The following MASP1 variants were observed in gnomAD, a reference collection of about 807,000 sequenced individuals.
MASP1 encodes the protein MBL associated serine protease 1.
MASP1 carries 59 observed loss-of-function variants against 77.1 expected under a neutral mutation model. The observed-to-expected ratio is 0.77, with a 90% CI of 0.62 to 0.95. The LOEUF (loss-of-function observed/expected upper bound fraction) is 0.95, where lower values mean the gene tolerates loss of function less well. MASP1 is among the 40% of genes least tolerant of loss of function. The probability of loss-of-function intolerance (pLI) is 0.00; values close to 1 mark genes in which losing one functional copy is unlikely to be tolerated. For missense variants in MASP1, 885 were observed against 912.9 expected, an observed-to-expected ratio of 0.97 and a Z score of 0.39; for synonymous variants, 362 against 354.5, an observed-to-expected ratio of 1.02 and a Z score of -0.24.
At chr3:187,241,158 G>C (rs1713601116) in intron 10 of MASP1, among the ~76,000 whole-genome samples, 1 of 152,128 alleles carries the variant, frequency 6.6e-6, no homozygotes, top group Admixed American at 6.5e-5. Flanking sequence ...GAGTGCTTGA[G>C]GACAGGGTGC....
At chr3:187,263,408 T>A (rs772697910) in intron 2 of MASP1, among the ~76,000 whole-genome samples, 2 of 152,184 alleles carry the variant, frequency 1.3e-5, no homozygotes, top group Non-Finnish European at 2.9e-5. Context: ...AATAAACATT[T>A]GTTTACAAGA....
chr3:187,290,466 T>C (rs181994470), intron 1 of MASP1, among the ~76,000 whole-genome samples: 125 of 152,342 alleles, frequency 8.2e-4, no homozygotes, highest in Admixed American at 1.8e-3. Context: ...TCATTCAATG[T>C]AGATTGACAT....
intron 10 of MASP1, among the ~76,000 whole-genome samples, chr3:187,240,696 A>G (rs1237914897): frequency 2.0e-5 from 3 of 152,186 alleles, no homozygotes; most frequent in Non-Finnish European, 4.4e-5. Context: ...CAATGGTGCA[A>G]TCTCAGCTCA....
intron 2 of MASP1, among the ~76,000 whole-genome samples, chr3:187,265,460 A>AG (rs1185684516): frequency 6.6e-6 from 1 of 152,216 alleles, no homozygotes; most frequent in Non-Finnish European, 1.5e-5. Flanking sequence ...GCAGAGCCAC[A>AG]GTATTCCAGA....
chr3:187,279,538 C>T (rs1049665649), intron 2 of MASP1, among the ~76,000 whole-genome samples: 1 of 152,214 alleles, frequency 6.6e-6, no homozygotes, highest in Non-Finnish European at 1.5e-5. Flanking sequence ...TTAATTCAAC[C>T]TTTGACCACA....
intron 2 of MASP1, among the ~76,000 whole-genome samples, chr3:187,272,081 T>A (rs3774284): frequency 0.11 from 16,879 of 148,522 alleles, 1,030 homozygotes; most frequent in African/African-American, 0.16. Flanking sequence ...GTCCAAGGAG[T>A]GAGTAGGTGG....
At chr3:187,217,653 A>C (rs1232618649) in exon 16 of MASP1, 1 of 152,218 alleles carries the variant, frequency 6.6e-6, no homozygotes, top group East Asian at 1.9e-4. Context: ...TTGTCCTCAC[A>C]GATACTCCAG....
At chr3:187,232,464 G>T (rs1712825750), downstream of MASP1, among the ~76,000 whole-genome samples, 1 of 152,110 alleles carries the variant, frequency 6.6e-6, no homozygotes, top group African/African-American at 2.4e-5. Flanking sequence ...CAGCTGGATT[G>T]CTCATAAACT....
chr3:187,235,805 G>T lies in MASP1; in HGVS notation c.2066C>A (p.Pro689His), dbSNP rs1713107981. The T allele has an allele frequency of 6.2e-7, 1 of 1,614,138 alleles. No homozygotes were observed. Among genetic ancestry groups the T allele is most frequent in the Non-Finnish European group, 8.5e-7 (1 of 1,180,026 alleles). ...GACCTGCTTGCTGCCGCATTCTTCAGGTCCCCCCCAGGACACCAGGCCTTG... is the reference window on the plus strand; with the variant it reads ...GACCTGCTTGCTGCCGCATTCTTCATGTCCCCCCCAGGACACCAGGCCTTG... ...VVQGLVSWGG[P>H]EECGSKQVYG... Residue 689 changes from proline (P) to histidine (H), a missense_variant, in exon 11 of 11, where the codon CCT (proline) becomes CAT (histidine). Physicochemically the swap from Pro to His is moderately conservative, Grantham distance 77 (BLOSUM62 -2). Coordinates refer to ENST00000296280, the MANE Select transcript of MASP1 (RefSeq NM_139125.4).
At chr3:187,277,999 A>G (rs913471209) in intron 2 of MASP1, among the ~76,000 whole-genome samples, 15 of 152,216 alleles carry the variant, frequency 9.9e-5, no homozygotes, top group African/African-American at 3.6e-4. Context: ...ATCTGGTGAT[A>G]CCAGGCAGAC....
chr3:187,247,092 T>TA, intron 8 of MASP1: 1 of 1,351,834 alleles, frequency 7.4e-7, no homozygotes, highest in African/African-American at 1.6e-5. Context: ...AAATCCCACA[T>TA]TTTTTTTTCA....
chr3:187,288,109 A>G (rs1269263373), intron 1 of MASP1, among the ~76,000 whole-genome samples: 2 of 152,236 alleles, frequency 1.3e-5, no homozygotes, highest in African/African-American at 2.4e-5. Context: ...AAAAGAAAAT[A>G]CATTTATTTA....
intron 2 of MASP1, among the ~76,000 whole-genome samples, chr3:187,263,700 A>C (rs1715793182): frequency 6.6e-6 from 1 of 152,152 alleles, no homozygotes; most frequent in Non-Finnish European, 1.5e-5. Context: ...TTGTGTTAAG[A>C]CTTAGATGCA....
At chr3:187,260,696 A>G (rs1715490067) in intron 4 of MASP1, 45 bp downstream of exon 4, 1 of 1,613,522 alleles carries the variant, frequency 6.2e-7, no homozygotes, top group African/African-American at 1.3e-5. Flanking sequence ...GTTATTGAGG[A>G]TGTGGCCTAT....
Position 187,236,048 on chromosome 3 carries a change from C to T in MASP1, c.1823G>A (p.Ser608Asn). 1 of 1,614,206 alleles carries T rather than the reference C, an allele frequency of 6.2e-7. No individual in the cohort carries two copies. Among genetic ancestry groups the T allele is most frequent in the Non-Finnish European group, 8.5e-7 (1 of 1,180,056 alleles). ...PNVTVDEIIS[S>N]GTRTLSDVLQ... Reference sequence around the variant, plus strand: ...GACATCTGACAAGGTCCGTGTGCCACTGCTGATGATCTCATCCACTGTCAC... The same window carrying T: ...GACATCTGACAAGGTCCGTGTGCCATTGCTGATGATCTCATCCACTGTCAC... The change falls in exon 11 of 11, where the codon AGT (serine) becomes AAT (asparagine). Residue 608 changes from serine (S) to asparagine (N), a missense_variant. By Grantham distance (46) the Ser-to-Asn change is conservative. Coordinates refer to ENST00000296280, the MANE Select transcript of MASP1 (RefSeq NM_139125.4).
intron 8 of MASP1, chr3:187,246,463 T>G (rs1714087286): frequency 1.0e-6 from 1 of 985,322 alleles, no homozygotes; most frequent in African/African-American, 1.7e-5. Context: ...GTCTCCAGAC[T>G]GCCCAGGGTT....
chr3:187,253,306 C>T lies in MASP1; in HGVS notation c.754G>A (p.Gly252Ser). The change falls in exon 6 of 11, where the codon GGT becomes AGT. Residue 252 changes from glycine (G) to serine (S), a missense_variant. Gly to Ser is a moderately conservative substitution (Grantham distance 56). Transcript: ENST00000296280. ...CPYDYIKIKVGPKVLGPFCGE... is the reference protein window; with the variant it reads ...CPYDYIKIKVSPKVLGPFCGE... ...CAGAAAGGCCCCAAAACTTTTGGAC[C>T]AACTTTGATCTGCAAAATATGAGAG... The T allele has an allele frequency of 2.5e-6, 4 of 1,614,042 alleles. No homozygotes were observed. Among genetic ancestry groups the T allele is most frequent in the Non-Finnish European group, 3.4e-6 (4 of 1,179,994 alleles).
At chr3:187,260,226 G>C (rs566069171) in intron 4 of MASP1, among the ~76,000 whole-genome samples, 5 of 152,150 alleles carry the variant, frequency 3.3e-5, no homozygotes, top group Non-Finnish European at 5.9e-5. Flanking sequence ...TAGTAGGTAC[G>C]TTGATGATAG....
At chr3:187,251,019 C>T (rs996835253) in intron 7 of MASP1, among the ~76,000 whole-genome samples, 3 of 152,112 alleles carry the variant, frequency 2.0e-5, no homozygotes, top group African/African-American at 7.2e-5. Context: ...AGTGCAAAGG[C>T]GTGATCTCAG....
Sources: gnomAD v4.1 joint callset for allele counts (sites outside exome capture counted in the v4.1 genomes callset) on GRCh38, gnomAD v4.1.1 for gene constraint, MANE v1.5 for transcripts, NCBI Gene and HGNC (gene_info 2026-07-23, HGNC 2026-07-21) for gene names.